ADIPOR1: variants seen among roughly 807,000 people sequenced by gnomAD.
ADIPOR1 encodes adiponectin receptor protein 1.
ADIPOR1 carries 15 observed loss-of-function variants against 37.5 expected under a neutral mutation model. The observed-to-expected ratio is 0.40, with a 90% CI of 0.27 to 0.62. The LOEUF is 0.62. Ranked by LOEUF, ADIPOR1 falls within the 20% of genes least tolerant of loss-of-function variation. The pLI, the probability that ADIPOR1 is intolerant of heterozygous loss-of-function variation, is 0.42. For missense variants in ADIPOR1, 286 were observed against 478.0 expected, an observed-to-expected ratio of 0.60 and a Z score of 3.75; for synonymous variants, 173 against 173.2, an observed-to-expected ratio of 1.00 and a Z score of 0.01.
At position 202,943,690 on chromosome 1, in the gene ADIPOR1, A is replaced by G. The variant is rs544597076; in HGVS notation, c.805+68T>C. On this transcript the variant is annotated intron_variant, in intron 6 of 7. Transcript: ENST00000340990. Reference sequence around the variant, plus strand: ...CTCAAGCTGCAAACCTTAAGGCTCAAATAGGTTTGAGCCTATCAGGCCTAA... The same window carrying G: ...CTCAAGCTGCAAACCTTAAGGCTCAGATAGGTTTGAGCCTATCAGGCCTAA... The G allele has an allele frequency of 8.5e-4, 1,289 of 1,519,336 alleles. 1 individual carries two copies. The highest frequency in any genetic ancestry group is 1.7e-3 in the Middle Eastern group (7 of 4,022). 94.1% of individuals were successfully genotyped at this position (1,519,336 alleles called of 1,614,324 possible).
chr1:202,954,740 A>G (rs955424637), intron 1 of ADIPOR1, among the ~76,000 whole-genome samples: 6 of 152,246 alleles, frequency 3.9e-5, no homozygotes, highest in African/African-American at 1.4e-4. Context: ...TTGTACTCCT[A>G]TAAATAAGAT....
chr1:202,956,722 G>C (rs1242774411), intron 1 of ADIPOR1, among the ~76,000 whole-genome samples: 3 of 152,098 alleles, frequency 2.0e-5, no homozygotes, highest in Admixed American at 2.0e-4. Context: ...CAGTCCCCAG[G>C]GCAGTAAACA....
rs145351703 is a variant in ADIPOR1, at chr1:202,949,668, A to G, written c.142-1248T>C. Among the ~76,000 whole-genome samples the G allele has an allele frequency of 6.0e-3, 911 of 151,522 alleles. 12 individuals are homozygous for G. Among genetic ancestry groups the G allele is most frequent in the African/African-American group, 0.02 (846 of 41,276 alleles). ...TCTCTCTATCCCAAGGCTCCGAATC[A>G]TGGCTATAGAAAGCCTGGCAGTTCA... is the stretch of plus-strand genomic sequence containing the variant. On this transcript the variant is annotated intron_variant, in intron 2 of 7. Coordinates refer to ENST00000340990, the MANE Select transcript of ADIPOR1 (RefSeq NM_015999.6).
chr1:202,941,717 GA>G lies in ADIPOR1; in HGVS notation c.1000-17del, dbSNP rs757612192. ...GAGACTGGAACTGTAGGAATAAAAAGAAAAGAGCCTTTAGGATAATGCAAGG... is the reference window on the plus strand; with the variant it reads ...GAGACTGGAACTGTAGGAATAAAAAGAAAGAGCCTTTAGGATAATGCAAGG... On this transcript the variant is annotated splice_polypyrimidine_tract_variant and intron_variant, in intron 7 of 7. Transcript: ENST00000340990. 5 of 1,604,298 alleles carry G rather than the reference GA, an allele frequency of 3.1e-6. No homozygotes were observed. The African/African-American group carries it at 6.8e-5, about 22-fold the overall frequency.
chr1:202,946,370 T>C (rs923686363), intron 4 of ADIPOR1, 69 bp downstream of exon 4: 3 of 1,582,226 alleles, frequency 1.9e-6, no homozygotes, highest in South Asian at 1.1e-5. Flanking sequence ...AACAACTTTG[T>C]TGGGCTCTAT....
rs1454766490 is a variant in ADIPOR1 at position 202,941,643 on chromosome 1, T to C, written c.1058A>G (p.Tyr353Cys). ...LVVAAAFVHFYGVSNLQEFRY... is the reference protein window; with the variant it reads ...LVVAAAFVHFCGVSNLQEFRY... ...GAATTCCTGAAGGTTGGAGACTCCA[T>C]AGAAGTGGACAAAGGCTGCTGCCAC... Residue 353 changes from tyrosine to cysteine, a missense_variant, in exon 8 of 8, where the codon TAT (tyrosine) becomes TGT (cysteine). Tyr to Cys is a radical substitution (Grantham distance 194). Transcript: ENST00000340990. 2 of 1,613,948 alleles carry C rather than the reference T, an allele frequency of 1.2e-6. No individual in the cohort carries two copies. The highest frequency in any genetic ancestry group is 1.7e-6 in the Non-Finnish European group (2 of 1,179,992).
chr1:202,955,417 G>A (rs1424999028), intron 1 of ADIPOR1, among the ~76,000 whole-genome samples: 1 of 152,018 alleles, frequency 6.6e-6, no homozygotes, highest in Non-Finnish European at 1.5e-5. Flanking sequence ...GTAGAGACAA[G>A]GTCTCACTAT....
intron 5 of ADIPOR1, chr1:202,944,327 T>A: frequency 6.0e-6 from 1 of 167,590 alleles, no homozygotes; most frequent in Non-Finnish European, 1.3e-5. Flanking sequence ...AAAACAAAAT[T>A]CTTAAATTGG....
chr1:202,945,005 T>C lies in ADIPOR1; in HGVS notation c.595A>G (p.Lys199Glu). The change falls in exon 5 of 8, where the codon AAA becomes GAA. Residue 199 changes from lysine (K) to glutamate (E), a missense_variant. By Grantham distance (56) the Lys-to-Glu change is moderately conservative. Coordinates refer to ENST00000340990, the MANE Select transcript of ADIPOR1 (RefSeq NM_015999.6). The stretch of plus-strand genomic sequence containing the variant: ...CACTTGGAAAAAGTCCGAGAGACTT[T>C]CTCTGAATGACAATAGACGGTGTGA... ...LFHTVYCHSE[K>E]VSRTFSKLDY... is the part of the protein sequence containing the mutation. 1 of 1,611,186 alleles carries C rather than the reference T, an allele frequency of 6.2e-7. No individual in the cohort carries two copies. The highest frequency in any genetic ancestry group is 8.5e-7 in the Non-Finnish European group (1 of 1,179,250).
At chr1:202,950,831 G>C (rs1484808395) in intron 2 of ADIPOR1, 99 bp downstream of exon 2, 1 of 1,490,936 alleles carries the variant, frequency 6.7e-7, no homozygotes, top group Non-Finnish European at 9.2e-7. Context: ...AGGATGCAAT[G>C]TTCCTCCTTT....
At chr1:202,950,707 T>G (rs558229530) in intron 2 of ADIPOR1, among the ~76,000 whole-genome samples, 53 of 152,334 alleles carry the variant, frequency 3.5e-4, no homozygotes, top group African/African-American at 9.6e-4. Flanking sequence ...CTGCAGGCCT[T>G]GTGCTAAGCA....
intron 6 of ADIPOR1, 53 bp from the exon 7 acceptor site, chr1:202,942,271 A>G: frequency 2.0e-6 from 3 of 1,513,708 alleles, no homozygotes; most frequent in Non-Finnish European, 2.7e-6. Context: ...ACCGCATGGA[A>G]GGCACTGCTG....
chr1:202,950,894 C>A (rs753187295), intron 2 of ADIPOR1, 36 bp downstream of exon 2: 10 of 1,612,778 alleles, frequency 6.2e-6, no homozygotes, highest in Non-Finnish European at 8.5e-6. Context: ...AGGAGAGAAA[C>A]TGAACAAGGG....
At chr1:202,955,744 C>T (rs950430013) in intron 1 of ADIPOR1, among the ~76,000 whole-genome samples, 7 of 152,070 alleles carry the variant, frequency 4.6e-5, no homozygotes, top group Admixed American at 3.3e-4. Flanking sequence ...GCTGGGATTA[C>T]AGGTGTGAGC....
At position 202,941,550 on chromosome 1, in the gene ADIPOR1, C is replaced by T. The variant is rs770427317; in HGVS notation, c.*23G>A. The T allele has an allele frequency of 6.3e-7, 1 of 1,591,196 alleles. No individual in the cohort carries two copies. The highest frequency in any genetic ancestry group is 1.4e-5 in the African/African-American group (1 of 73,462). On this transcript the variant is annotated 3_prime_UTR_variant, in exon 8 of 8. Coordinates refer to ENST00000340990, the MANE Select transcript of ADIPOR1 (RefSeq NM_015999.6). ...TTTAAAAGCACTTGGGAAGTTCCTCCTCCACCCCGCAGGTGGGAAGGCTCA... is the reference window on the plus strand; with the variant it reads ...TTTAAAAGCACTTGGGAAGTTCCTCTTCCACCCCGCAGGTGGGAAGGCTCA...
intron 1 of ADIPOR1, among the ~76,000 whole-genome samples, chr1:202,956,397 T>C (rs1025111818): frequency 2.0e-5 from 3 of 152,196 alleles, no homozygotes; most frequent in Non-Finnish European, 4.4e-5. Context: ...GAAGGGCAAT[T>C]TCTAACCTTC....
chr1:202,944,402 A>G (rs1344632085), intron 5 of ADIPOR1: 1 of 154,776 alleles, frequency 6.5e-6, no homozygotes, highest in Non-Finnish European at 1.4e-5. Flanking sequence ...AGGAAAATGT[A>G]CCTTCTTACT....
chr1:202,941,787 T>C (rs1654099145), intron 7 of ADIPOR1, 86 bp from the exon 8 acceptor site: 1 of 1,493,262 alleles, frequency 6.7e-7, no homozygotes, highest in Admixed American at 2.3e-5. Flanking sequence ...TTCTTCTAGT[T>C]TATCCTTAAT....
intron 3 of ADIPOR1, 49 bp from the exon 4 acceptor site, chr1:202,946,659 C>G: frequency 6.3e-7 from 1 of 1,593,814 alleles, no homozygotes; most frequent in Non-Finnish European, 8.6e-7. Context: ...AGTACCTTCC[C>G]CAAGGACAAG....
Sources: gnomAD v4.1 joint callset for allele counts (sites outside exome capture counted in the v4.1 genomes callset) on GRCh38, gnomAD v4.1.1 for gene constraint, MANE v1.5 for transcripts, NCBI Gene and HGNC (gene_info 2026-07-23, HGNC 2026-07-21) for gene names.